Variants in TCF12 observed in about 807,000 individuals in gnomAD.
TCF12 encodes transcription factor 12, also known as DNA-binding protein HTF4.
TCF12 carries 45 observed loss-of-function variants against 86.0 expected under a neutral mutation model. That is an observed-to-expected ratio of 0.52 (90% confidence interval 0.41 to 0.67). TCF12 has a LOEUF of 0.67. TCF12 is among the 30% of genes least tolerant of loss of function. TCF12 has a pLI of 0.00. For missense variants in TCF12, 881 were observed against 859.9 expected (o/e 1.02, Z -0.31); for synonymous variants, 330 against 299.6 (o/e 1.10, Z -1.05).
intron 8 of TCF12, among the ~76,000 whole-genome samples, chr15:57,199,709 C>G (rs1364413530): frequency 6.6e-6 from 1 of 152,080 alleles, no homozygotes; most frequent in African/African-American, 2.4e-5. Context: ...AACTTGATTT[C>G]TTTGAGAACC....
chr15:57,181,521 C>T (rs1027239734), intron 6 of TCF12, among the ~76,000 whole-genome samples: 16 of 150,464 alleles, frequency 1.1e-4, no homozygotes, highest in African/African-American at 3.9e-4. Context: ...ATTTAGAGTA[C>T]CTTCTAATAT....
intron 3 of TCF12, among the ~76,000 whole-genome samples, chr15:56,941,174 G>T (rs1416587372): frequency 6.6e-6 from 1 of 151,468 alleles, no homozygotes; most frequent in East Asian, 2.0e-4. Context: ...AAACCAGCCT[G>T]GGTAACATGG....
chr15:56,946,770 T>C (rs1312625660), intron 3 of TCF12, among the ~76,000 whole-genome samples: 1 of 151,408 alleles, frequency 6.6e-6, no homozygotes, highest in East Asian at 1.9e-4. Context: ...GAGTTGTTTT[T>C]AAGCTTTTGT....
intron 3 of TCF12, among the ~76,000 whole-genome samples, chr15:57,060,327 T>C (rs1201059296): frequency 6.6e-6 from 1 of 152,208 alleles, no homozygotes; most frequent in Non-Finnish European, 1.5e-5. Context: ...AGCATGCTTT[T>C]AAAAATGGAG....
intron 3 of TCF12, among the ~76,000 whole-genome samples, chr15:57,036,167 A>G (rs1372993738): frequency 6.6e-6 from 1 of 151,674 alleles, no homozygotes; most frequent in Non-Finnish European, 1.5e-5. Flanking sequence ...TGTTCAAAGC[A>G]TTTTGGTTTT....
At chr15:56,959,451 C>A (rs2061647018) in intron 3 of TCF12, among the ~76,000 whole-genome samples, 1 of 152,178 alleles carries the variant, frequency 6.6e-6, no homozygotes, top group Non-Finnish European at 1.5e-5. Flanking sequence ...CTCTCCCTTC[C>A]CTAGTAGCTG....
At chr15:57,088,414 C>T (rs2048783807) in intron 4 of TCF12, among the ~76,000 whole-genome samples, 1 of 152,128 alleles carries the variant, frequency 6.6e-6, no homozygotes, top group Admixed American at 6.6e-5. Flanking sequence ...CTATATTTGA[C>T]AGCTAAGCTA....
At chr15:57,011,338 T>A (rs2064816970) in intron 3 of TCF12, among the ~76,000 whole-genome samples, 1 of 151,908 alleles carries the variant, frequency 6.6e-6, no homozygotes, top group Non-Finnish European at 1.5e-5. Context: ...AAGTCAGGGA[T>A]CCACCCCCTC....
intron 3 of TCF12, among the ~76,000 whole-genome samples, chr15:56,923,849 T>C (rs1488037763): frequency 1.3e-5 from 2 of 152,156 alleles, no homozygotes; most frequent in African/African-American, 4.8e-5. Flanking sequence ...CTATCTAGAA[T>C]GTCATTTTAA....
At chr15:57,267,198 A>C (rs977007208) in intron 18 of TCF12, among the ~76,000 whole-genome samples, 3 of 152,234 alleles carry the variant, frequency 2.0e-5, no homozygotes, top group Non-Finnish European at 2.9e-5. Context: ...AGGATGGTAG[A>C]TAAAACTAAA....
chr15:57,250,360 T>TA (rs1283377845), intron 13 of TCF12, among the ~76,000 whole-genome samples: 1 of 152,200 alleles, frequency 6.6e-6, no homozygotes, highest in Admixed American at 6.5e-5. Context: ...GAGTAATGTT[T>TA]ACTATATCAC....
chr15:56,951,660 G>A (rs1266909483), intron 3 of TCF12, among the ~76,000 whole-genome samples: 5 of 151,918 alleles, frequency 3.3e-5, no homozygotes, highest in South Asian at 2.1e-4. Flanking sequence ...CTTGTAGAAC[G>A]TTTTTTTGAG....
upstream of TCF12, chr15:56,918,100 A>T (rs1359519500): frequency 2.4e-6 from 1 of 420,674 alleles, no homozygotes; most frequent in Admixed American, 2.7e-5. Flanking sequence ...GGAACGGCCG[A>T]GGAGGATGGG....
At chr15:57,090,154 G>A (rs2048900582) in intron 4 of TCF12, among the ~76,000 whole-genome samples, 1 of 152,062 alleles carries the variant, frequency 6.6e-6, no homozygotes, top group Admixed American at 6.6e-5. Flanking sequence ...GGAGGTTGAG[G>A]CTAGTCAGCA....
intron 5 of TCF12, among the ~76,000 whole-genome samples, chr15:57,096,004 C>G (rs1469718408): frequency 1.3e-5 from 2 of 152,194 alleles, no homozygotes; most frequent in African/African-American, 2.4e-5. Context: ...GAACTCATAT[C>G]TCCTGACTCT....
chr15:56,942,275 C>T (rs1659009798), intron 3 of TCF12, among the ~76,000 whole-genome samples: 3 of 152,124 alleles, frequency 2.0e-5, no homozygotes, highest in African/African-American at 7.2e-5. Context: ...TTTGTAAACA[C>T]ATTTCAAAAA....
chr15:57,271,975 C>T (rs1183829907), intron 18 of TCF12, among the ~76,000 whole-genome samples: 1 of 152,146 alleles, frequency 6.6e-6, no homozygotes, highest in Non-Finnish European at 1.5e-5. Context: ...CCCTTTCCTC[C>T]ATCCCGTGGT....
intron 3 of TCF12, among the ~76,000 whole-genome samples, chr15:57,053,834 A>G (rs1357486061): frequency 6.6e-6 from 1 of 152,188 alleles, no homozygotes; most frequent in African/African-American, 2.4e-5. Context: ...AATAAGAGTA[A>G]GAGTTATATT....
At chr15:56,947,208 G>A (rs184903944) in intron 3 of TCF12, among the ~76,000 whole-genome samples, 7 of 152,148 alleles carry the variant, frequency 4.6e-5, no homozygotes, top group African/African-American at 1.7e-4. Flanking sequence ...ACTGCTTCCA[G>A]CTGAAAACAT....
Sources: gnomAD v4.1 joint callset for allele counts (sites outside exome capture counted in the v4.1 genomes callset) on GRCh38, gnomAD v4.1.1 for gene constraint, MANE v1.5 for transcripts, NCBI Gene and HGNC (gene_info 2026-07-23, HGNC 2026-07-21) for gene names.